Variants in PKDCC observed in about 807,000 individuals in gnomAD.
PKDCC encodes protein kinase domain containing, cytoplasmic.
In PKDCC, 35 loss-of-function variants were observed where a neutral mutation model predicts 44.7. The observed-to-expected ratio is 0.78, with a 90% CI of 0.60 to 1.04. The LOEUF (loss-of-function observed/expected upper bound fraction) is 1.04, where lower values mean the gene tolerates loss of function less well. Among genes scored for constraint, PKDCC ranks in the 50% least tolerant of loss-of-function variants. The pLI, the probability that PKDCC is intolerant of heterozygous loss-of-function variation, is 0.00. For synonymous variants in PKDCC, 353 were observed against 303.3 expected (o/e 1.16, Z -1.70); for missense variants, 738 against 672.7 (o/e 1.10, Z -1.07).
intron 1 of PKDCC, among the ~76,000 whole-genome samples, chr2:42,049,849 G>A (rs1036441618): frequency 3.9e-5 from 6 of 152,116 alleles, no homozygotes; most frequent in Non-Finnish European, 7.4e-5. Flanking sequence ...ATCCCTGACC[G>A]CTGTTGGCCC....
rs938977951 is a variant in PKDCC at position 42,048,936 on chromosome 2, T to A, written c.639+98T>A. The A allele has an allele frequency of 7.4e-7, 1 of 1,344,354 alleles. No individual in the cohort carries two copies. The highest frequency in any genetic ancestry group is 1.5e-5 in the African/African-American group (1 of 68,164). 83.3% of individuals were successfully genotyped at this position (1,344,354 alleles called of 1,614,324 possible). The stretch of plus-strand genomic sequence containing the variant: ...AGAACCCCTTGATCTGGAGTGCCAG[T>A]GACTGCACCCAGGCTAAGCTAGACG... On this transcript the variant is annotated intron_variant, in intron 1 of 6. Transcript: ENST00000294964. This position sits in a 1 kb window ranked among gnomAD's most constrained non-coding sequence, Gnocchi z 6.2.
intron 5 of PKDCC, 92 bp from the exon 6 acceptor site, chr2:42,057,129 A>G: frequency 7.0e-7 from 1 of 1,421,562 alleles, no homozygotes. Flanking sequence ...CTAGGAAATG[A>G]GTCTTGCTGC....
In PKDCC at chr2:42,048,458, C is replaced by G; in HGVS notation, c.259C>G (p.Leu87Val). Residue 87 changes from leucine to valine, a missense_variant, in exon 1 of 7, where the codon CTG (leucine) becomes GTG (valine). Physicochemically the swap from Leu to Val is conservative, Grantham distance 32. Transcript: ENST00000294964. The surrounding 1 kb of genome is among the most constrained non-coding windows in gnomAD (Gnocchi z 6.2). ...GGCGGGCCGGCCGGAGCGGCGGCGC[C>G]TGATGGACCTGGCTCCGGGCGGGCC... ...PGAGRPERRR[L>V]MDLAPGGPGL... 1 of 1,084,516 alleles carries G rather than the reference C, an allele frequency of 9.2e-7. No individual in the cohort carries two copies. The highest frequency in any genetic ancestry group is 1.1e-6 in the Non-Finnish European group (1 of 897,366). 67.2% of individuals were successfully genotyped at this position (1,084,516 alleles called of 1,614,324 possible). A position where few individuals can be genotyped will look rare whatever the true frequency, so the allele number is the denominator to read the frequency against.
Position 42,052,429 on chromosome 2 carries a change from T to C in PKDCC, c.640-810T>C, listed in dbSNP as rs1160582812. On this transcript the variant is annotated intron_variant, in intron 1 of 6. Transcript: ENST00000294964. This position sits in a 1 kb window ranked among gnomAD's most constrained non-coding sequence, Gnocchi z 4.3. ...TAATGTCCAACCGTATGCTCGCTTG[T>C]GTATTACCAAACAGCATTCTTAGAA... Among the ~76,000 whole-genome samples, 8 of 152,176 alleles carry C rather than the reference T, an allele frequency of 5.3e-5. No individual in the cohort carries two copies. Among genetic ancestry groups the C allele is most frequent in the Admixed American group, 5.2e-4 (8 of 15,282 alleles).
rs1306029636 is a variant in PKDCC, at chr2:42,057,750, G to A, written c.*62G>A. 3 of 1,451,490 alleles carry A rather than the reference G, an allele frequency of 2.1e-6. No individual in the cohort carries two copies. The highest frequency in any genetic ancestry group is 2.9e-6 in the Non-Finnish European group (3 of 1,044,872). 89.9% of individuals were successfully genotyped at this position (1,451,490 alleles called of 1,614,324 possible). ...CAGCAGCTGGGCTTGCCTGTGGAGGGAGTGACTTGCACTGGCAGCACTGCA... is the reference window on the plus strand; with the variant it reads ...CAGCAGCTGGGCTTGCCTGTGGAGGAAGTGACTTGCACTGGCAGCACTGCA... On this transcript the variant is annotated 3_prime_UTR_variant, in exon 7 of 7. Coordinates refer to ENST00000294964, the MANE Select transcript of PKDCC (RefSeq NM_138370.3).
chr2:42,054,472 T>G lies in PKDCC; in HGVS notation c.1034+165T>G. ...CAGAAGGGAACATTCAGGCCTCTGA[T>G]GGAGAGGCTAAAAATAGACAGCTCC... is the stretch of plus-strand genomic sequence containing the variant. On this transcript the variant is annotated intron_variant, in intron 3 of 6. Transcript: ENST00000294964. The surrounding 1 kb of genome is among the most constrained non-coding windows in gnomAD (Gnocchi z 6.1). 1.2e-6 allele frequency: 1 copy of G among 816,084 alleles called. No individual in the cohort carries two copies. The highest frequency in any genetic ancestry group is 2.7e-5 in the East Asian group (1 of 37,070). The allele number at this position is 816,084 out of a possible 1,614,324, so 50.6% of individuals were successfully genotyped here.
At chr2:42,057,491 A>G in intron 6 of PKDCC, 97 bp downstream of exon 6, 1 of 1,560,836 alleles carries the variant, frequency 6.4e-7, no homozygotes, top group Non-Finnish European at 8.8e-7. Flanking sequence ...GGGGGTGCTG[A>G]GGTGATGAGA....
In PKDCC at chr2:42,048,570, C is replaced by A; in HGVS notation, c.371C>A (p.Pro124His). ...CCCCCGGCTCCCGGCCCAGGCTCCCCCGGCCCGGGCCCGCGCCTGGGCTGC... is the reference window on the plus strand; with the variant it reads ...CCCCCGGCTCCCGGCCCAGGCTCCCACGGCCCGGGCCCGCGCCTGGGCTGC... ...GWPPAPGPGSPGPGPRLGCAA... is the reference protein window; with the variant it reads ...GWPPAPGPGSHGPGPRLGCAA... Residue 124 changes from proline to histidine, a missense_variant, in exon 1 of 7, where the codon CCC becomes CAC. Pro to His is a moderately conservative substitution (Grantham distance 77). Transcript: ENST00000294964. The surrounding 1 kb of genome is among the most constrained non-coding windows in gnomAD (Gnocchi z 6.2). The A allele has an allele frequency of 1.5e-6, 2 of 1,350,836 alleles. No individual in the cohort carries two copies. Among genetic ancestry groups the A allele is most frequent in the Non-Finnish European group, 1.9e-6 (2 of 1,053,324 alleles). The allele number at this position is 1,350,836 out of a possible 1,614,324, so 83.7% of individuals were successfully genotyped here.
At chr2:42,053,682 T>C in intron 2 of PKDCC, 1 of 518,246 alleles carries the variant, frequency 1.9e-6, no homozygotes, top group Non-Finnish European at 3.4e-6. Flanking sequence ...GTCCTAGAAC[T>C]AGGAAAGACC....
intron 5 of PKDCC, among the ~76,000 whole-genome samples, chr2:42,056,225 C>G (rs1472177501): frequency 6.6e-6 from 1 of 152,092 alleles, no homozygotes; most frequent in Admixed American, 6.5e-5. Flanking sequence ...CCCAGGGCTT[C>G]TGCATTATCA....
chr2:42,050,039 G>A (rs75514524), intron 1 of PKDCC, among the ~76,000 whole-genome samples: 20,780 of 152,206 alleles, frequency 0.14, 2,323 homozygotes, highest in East Asian at 0.42. Context: ...ATGGGTGGGC[G>A]TCGTAGAGCA....
Position 42,055,215 on chromosome 2 carries a change from C to T in PKDCC, c.1115-71C>T. 1 of 1,444,288 alleles carries T rather than the reference C, an allele frequency of 6.9e-7. No homozygotes were observed. Among genetic ancestry groups the T allele is most frequent in the Non-Finnish European group, 9.5e-7 (1 of 1,048,606 alleles). The allele number at this position is 1,444,288 out of a possible 1,614,324, so 89.5% of individuals were successfully genotyped here. ...CAGGCTCTGGAGGCAGAGGTGGGAG[C>T]AGCTGGCTGCTGACTTCAGGGAGGA... On this transcript the variant is annotated intron_variant, in intron 4 of 6. Coordinates refer to ENST00000294964, the MANE Select transcript of PKDCC (RefSeq NM_138370.3). This position sits in a 1 kb window ranked among gnomAD's most constrained non-coding sequence, Gnocchi z 4.5.
At position 42,055,054 on chromosome 2, in the gene PKDCC, C is replaced by G. The variant is rs1409082847; in HGVS notation, c.1114+34C>G. Reference sequence around the variant, plus strand: ...TCCAGGGCCCATCTGCTTCCAGGCACCTACCCCACCCCCACCCGCCAGCAA... The same window carrying G: ...TCCAGGGCCCATCTGCTTCCAGGCAGCTACCCCACCCCCACCCGCCAGCAA... On this transcript the variant is annotated intron_variant, in intron 4 of 6. Coordinates refer to ENST00000294964, the MANE Select transcript of PKDCC (RefSeq NM_138370.3). The surrounding 1 kb of genome is among the most constrained non-coding windows in gnomAD (Gnocchi z 4.5). The G allele has an allele frequency of 6.3e-7, 1 of 1,587,478 alleles. No individual in the cohort carries two copies. Among genetic ancestry groups the G allele is most frequent in the Admixed American group, 1.7e-5 (1 of 59,736 alleles).
At chr2:42,053,935 C>T in intron 2 of PKDCC, 101 bp from the exon 3 acceptor site, 3 of 1,468,920 alleles carry the variant, frequency 2.0e-6, no homozygotes, top group Non-Finnish European at 1.8e-6. Flanking sequence ...GTGCCAACCC[C>T]CACAAGCAAA....
Position 42,048,288 on chromosome 2 carries a change from C to A in PKDCC, c.89C>A (p.Ser30Ter). The A allele has an allele frequency of 7.9e-7, 1 of 1,269,144 alleles. No homozygotes were observed. The highest frequency in any genetic ancestry group is 1.0e-6 in the Non-Finnish European group (1 of 1,002,858). The allele number at this position is 1,269,144 out of a possible 1,614,324, so 78.6% of individuals were successfully genotyped here. ...CTCAACGTGCTCTTCGCTCCGGGCT[C>A]GGAGCCTCCGAGGCCAGGCCAGTCC... ...SVLNVLFAPG[S>*]EPPRPGQSPE... The change falls in exon 1 of 7, where the codon TCG (serine) becomes TAG (stop). Residue 30 changes from serine to a stop codon, truncating the protein, a stop_gained. Coordinates refer to ENST00000294964, the MANE Select transcript of PKDCC (RefSeq NM_138370.3). LOFTEE classifies it high-confidence loss of function. This position sits in a 1 kb window ranked among gnomAD's most constrained non-coding sequence, Gnocchi z 6.2.
Position 42,057,897 on chromosome 2 carries a change from G to A in PKDCC, c.*209G>A. ...TTACCAGCCTAGCTATGGGACTGCT[G>A]GCTCCTAGTCCAGGAATCATGGGGG... is the stretch of plus-strand genomic sequence containing the variant. On this transcript the variant is annotated 3_prime_UTR_variant, in exon 7 of 7. Coordinates refer to ENST00000294964, the MANE Select transcript of PKDCC (RefSeq NM_138370.3). 1.7e-6 allele frequency: 1 copy of A among 577,316 alleles called. No homozygotes were observed. The highest frequency in any genetic ancestry group is 3.1e-6 in the Non-Finnish European group (1 of 323,804). 35.8% of individuals were successfully genotyped at this position (577,316 alleles called of 1,614,324 possible).
chr2:42,053,999 A>G, intron 2 of PKDCC, 37 bp from the exon 3 acceptor site: 1 of 1,589,878 alleles, frequency 6.3e-7, no homozygotes, highest in Non-Finnish European at 8.6e-7. Flanking sequence ...CCAACCCAGG[A>G]GAAAAGCAGT....
Position 42,057,774 on chromosome 2 carries a change from C to T in PKDCC, c.*86C>T. ...GGAGTGACTTGCACTGGCAGCACTG[C>T]ATGTCACCTGGGAACCCCTGCAGAC... On this transcript the variant is annotated 3_prime_UTR_variant, in exon 7 of 7. Coordinates refer to ENST00000294964, the MANE Select transcript of PKDCC (RefSeq NM_138370.3). 8.6e-7 allele frequency: 1 copy of T among 1,164,198 alleles called. No homozygotes were observed. The highest frequency in any genetic ancestry group is 1.3e-6 in the Non-Finnish European group (1 of 799,298). 72.1% of individuals were successfully genotyped at this position (1,164,198 alleles called of 1,614,324 possible).
intron 2 of PKDCC, 106 bp from the exon 3 acceptor site, chr2:42,053,930 A>G: frequency 7.0e-7 from 1 of 1,430,536 alleles, no homozygotes; most frequent in Non-Finnish European, 9.4e-7. Flanking sequence ...GAGAAGTGCC[A>G]ACCCCCACAA....
Sources: gnomAD v4.1 joint callset for allele counts (sites outside exome capture counted in the v4.1 genomes callset) on GRCh38, gnomAD v4.1.1 for gene constraint, Gnocchi (gnomAD v3.1) non-coding constraint, MANE v1.5 for transcripts, NCBI Gene and HGNC (gene_info 2026-07-23, HGNC 2026-07-21) for gene names.